Variants in TMEFF1 observed in about 807,000 individuals in gnomAD.
TMEFF1 encodes tomoregulin-1.
Under a neutral mutation model 47.5 loss-of-function variants are expected in TMEFF1, and 20 were observed. The observed-to-expected ratio is 0.42, with a 90% CI of 0.30 to 0.61. TMEFF1 has a LOEUF of 0.61. Ranked by LOEUF, TMEFF1 falls within the 20% of genes least tolerant of loss-of-function variation. The pLI is 0.19. For synonymous variants in TMEFF1, 162 were observed against 166.3 expected (o/e 0.97, Z 0.20); for missense variants, 411 against 471.1 (o/e 0.87, Z 1.18).
intron 9 of TMEFF1, among the ~76,000 whole-genome samples, chr9:100,575,556 A>G (rs777383388): frequency 6.6e-6 from 1 of 152,220 alleles, no homozygotes; most frequent in Non-Finnish European, 1.5e-5. Flanking sequence ...AGGTAAAACC[A>G]TATACAAAAT....
At chr9:100,492,329 A>T (rs901695508) in intron 1 of TMEFF1, among the ~76,000 whole-genome samples, 3 of 152,204 alleles carry the variant, frequency 2.0e-5, no homozygotes, top group Non-Finnish European at 4.4e-5. Context: ...ACCTTATTCA[A>T]GTCTTTGAGT....
chr9:100,545,700 C>T (rs922520843), intron 5 of TMEFF1, among the ~76,000 whole-genome samples: 5 of 152,132 alleles, frequency 3.3e-5, no homozygotes, highest in Admixed American at 6.5e-5. Flanking sequence ...ACAAATTTTC[C>T]GAACTTTTGT....
intron 5 of TMEFF1, among the ~76,000 whole-genome samples, chr9:100,533,413 T>C (rs1211855333): frequency 6.6e-6 from 1 of 152,190 alleles, no homozygotes; most frequent in African/African-American, 2.4e-5. Context: ...CTTGCTGGCA[T>C]AATGTTGTTT....
At chr9:100,563,015 A>G (rs962229182) in intron 8 of TMEFF1, among the ~76,000 whole-genome samples, 1 of 152,016 alleles carries the variant, frequency 6.6e-6, no homozygotes, top group Non-Finnish European at 1.5e-5. Flanking sequence ...ATGGGGTTTC[A>G]CTATGTTGGC....
intron 5 of TMEFF1, among the ~76,000 whole-genome samples, chr9:100,539,250 T>G (rs1440560260): frequency 1.3e-5 from 2 of 152,186 alleles, no homozygotes; most frequent in Non-Finnish European, 2.9e-5. Context: ...TGTGAAGTTG[T>G]TGGGCGTGTG....
intron 9 of TMEFF1, among the ~76,000 whole-genome samples, chr9:100,573,072 C>T (rs888794770): frequency 6.6e-6 from 1 of 151,346 alleles, no homozygotes; most frequent in African/African-American, 2.4e-5. Context: ...CCTCAAATTC[C>T]TGGGCTCAAG....
chr9:100,555,835 A>G (rs994737228), intron 7 of TMEFF1, among the ~76,000 whole-genome samples: 2 of 152,212 alleles, frequency 1.3e-5, no homozygotes, highest in African/African-American at 4.8e-5. Context: ...TGAGTGCCCT[A>G]CTATGTGCCA....
chr9:100,490,337 A>G (rs1057326873), intron 1 of TMEFF1, among the ~76,000 whole-genome samples: 2 of 152,170 alleles, frequency 1.3e-5, no homozygotes, highest in African/African-American at 4.8e-5. Flanking sequence ...CAAGTTGAAG[A>G]GGATTTAATT....
chr9:100,526,217 T>C (rs1838250726), intron 5 of TMEFF1, among the ~76,000 whole-genome samples: 1 of 152,204 alleles, frequency 6.6e-6, no homozygotes, highest in Admixed American at 6.5e-5. Context: ...TCTTGATCTT[T>C]TGTATATGAT....
chr9:100,551,900 G>A (rs1271509465), intron 7 of TMEFF1, among the ~76,000 whole-genome samples: 2 of 152,322 alleles, frequency 1.3e-5, no homozygotes, highest in East Asian at 3.9e-4. Flanking sequence ...TTTTGGTGGG[G>A]AACAGTGGGA....
chr9:100,538,138 C>T (rs1200794627), intron 5 of TMEFF1, among the ~76,000 whole-genome samples: 2 of 152,042 alleles, frequency 1.3e-5, no homozygotes, highest in African/African-American at 2.4e-5. Flanking sequence ...CTGCAACCTC[C>T]GCCTCCTGGG....
intron 5 of TMEFF1, among the ~76,000 whole-genome samples, chr9:100,527,997 G>A (rs1838299726): frequency 6.6e-6 from 1 of 152,030 alleles, no homozygotes; most frequent in Admixed American, 6.5e-5. Flanking sequence ...ACCTCACACG[G>A]CAGGGTATTC....
At chr9:100,569,995 A>G (rs1839200328) in intron 8 of TMEFF1, among the ~76,000 whole-genome samples, 1 of 152,138 alleles carries the variant, frequency 6.6e-6, no homozygotes, top group South Asian at 2.1e-4. Context: ...CTTCTATGAG[A>G]TCAACTTTTT....
chr9:100,546,435 C>A (rs1003889045), intron 5 of TMEFF1, among the ~76,000 whole-genome samples: 1 of 151,374 alleles, frequency 6.6e-6, no homozygotes, highest in Admixed American at 6.6e-5. Flanking sequence ...TCAATCCCCC[C>A]CCCACCAGGT....
intron 1 of TMEFF1, among the ~76,000 whole-genome samples, chr9:100,477,923 G>A (rs1383166277): frequency 2.0e-5 from 3 of 152,004 alleles, no homozygotes; most frequent in Admixed American, 6.6e-5. Context: ...CACTGCGCCC[G>A]GCCTGCATTT....
intron 8 of TMEFF1, among the ~76,000 whole-genome samples, chr9:100,565,475 C>T (rs535795538): frequency 1.3e-5 from 2 of 152,280 alleles, no homozygotes; most frequent in East Asian, 1.9e-4. Context: ...GAAAAGCACA[C>T]CACCGGTTAA....
intron 5 of TMEFF1, among the ~76,000 whole-genome samples, chr9:100,517,306 T>G (rs1305001575): frequency 3.3e-5 from 5 of 152,252 alleles, no homozygotes; most frequent in Non-Finnish European, 7.3e-5. Flanking sequence ...AGCTTTAATG[T>G]TGACTTTAGG....
intron 5 of TMEFF1, among the ~76,000 whole-genome samples, chr9:100,532,466 A>T (rs1222191172): frequency 6.6e-6 from 1 of 152,214 alleles, no homozygotes; most frequent in African/African-American, 2.4e-5. Flanking sequence ...ACATTTATGC[A>T]GCCAAAAAAC....
intron 7 of TMEFF1, among the ~76,000 whole-genome samples, chr9:100,558,824 C>G (rs796387469): frequency 5.9e-5 from 9 of 152,042 alleles, no homozygotes; most frequent in African/African-American, 1.9e-4. Flanking sequence ...GTTTGCCAGG[C>G]ATTTTTCTAA....
Sources: gnomAD v4.1 joint callset for allele counts (sites outside exome capture counted in the v4.1 genomes callset) on GRCh38, gnomAD v4.1.1 for gene constraint, MANE v1.5 for transcripts, NCBI Gene and HGNC (gene_info 2026-07-23, HGNC 2026-07-21) for gene names.